YARS1: variants seen among roughly 807,000 people sequenced by gnomAD.
YARS1 encodes the protein tyrosine--tRNA ligase, cytoplasmic.
Under a neutral mutation model 62.2 loss-of-function variants are expected in YARS1, and 36 were observed. The ratio of observed to expected loss-of-function variants is 0.58; its 90% confidence interval spans 0.44 to 0.76. YARS1 has a LOEUF of 0.76. YARS1 is among the 30% of genes least tolerant of loss of function. The pLI is 0.00. For missense variants in YARS1, 524 were observed against 639.8 expected, an observed-to-expected ratio of 0.82 and a Z score of 1.95; for synonymous variants, 234 against 244.9, an observed-to-expected ratio of 0.96 and a Z score of 0.42.
intron 10 of YARS1, 59 bp from the exon 11 acceptor site, chr1:32,780,337 T>G (rs552964149): frequency 1.9e-6 from 3 of 1,602,372 alleles, no homozygotes; most frequent in South Asian, 2.2e-5. Context: ...AGCAGCCTGG[T>G]GAACTCTTGG....
intron 7 of YARS1, 40 bp downstream of exon 7, chr1:32,786,900 A>G (rs762025045): frequency 1.9e-5 from 30 of 1,613,598 alleles, no homozygotes; most frequent in Non-Finnish European, 2.5e-5. Flanking sequence ...GAACTTTTCT[A>G]TTCTAGCCTG....
rs766166915 is a variant in YARS1, at chr1:32,797,797, A to G, written c.557T>C (p.Ile186Thr). The G allele has an allele frequency of 5.0e-6, 8 of 1,614,108 alleles. No individual in the cohort carries two copies. The Admixed American group carries it at 1.2e-4, about 24-fold the overall frequency. Reference protein sequence around the residue: ...YLKVDAQFGGIDQRKIFTFAE... With the variant: ...YLKVDAQFGGTDQRKIFTFAE... The stretch of plus-strand genomic sequence containing the variant: ...AAAGGTGAAAATCTTTCTCTGATCA[A>G]TGCCTCCAAATTGGGCATCTACTTT... Residue 186 changes from isoleucine to threonine, a missense_variant, in exon 5 of 13, where the codon ATT becomes ACT. Coordinates refer to ENST00000373477, the MANE Select transcript of YARS1 (RefSeq NM_003680.4).
chr1:32,779,186 T>C (rs558277778), intron 12 of YARS1, among the ~76,000 whole-genome samples, 196 bp downstream of exon 12: 3 of 152,268 alleles, frequency 2.0e-5, no homozygotes, highest in African/African-American at 7.2e-5. Flanking sequence ...CTGTCGGAGA[T>C]GTAATGCAAG....
chr1:32,810,421 TG>T (rs2148616439), intron 3 of YARS1, among the ~76,000 whole-genome samples, 169 bp downstream of exon 3: 1 of 152,290 alleles, frequency 6.6e-6, no homozygotes, highest in East Asian at 1.9e-4. Context: ...ACACTTCTGA[TG>T]GATGAATTAC....
chr1:32,792,068 C>G (rs1210618469), intron 5 of YARS1, among the ~76,000 whole-genome samples: 1 of 152,128 alleles, frequency 6.6e-6, no homozygotes, highest in Non-Finnish European at 1.5e-5. Flanking sequence ...CCACTGATTT[C>G]TTGGCTGACT....
intron 1 of YARS1, among the ~76,000 whole-genome samples, chr1:32,812,319 T>C (rs1319094002): frequency 2.0e-5 from 3 of 152,188 alleles, no homozygotes; most frequent in Admixed American, 6.5e-5. Context: ...GGTGATCCTC[T>C]GGAGTTTAGA....
At position 32,780,119 on chromosome 1, in the gene YARS1, C is replaced by T; in HGVS notation, c.1300G>A (p.Val434Ile). 1 of 1,614,196 alleles carries T rather than the reference C, an allele frequency of 6.2e-7. No individual in the cohort carries two copies. Among genetic ancestry groups the T allele is most frequent in the East Asian group, 2.2e-5 (1 of 44,874 alleles). The change falls in exon 11 of 13, where the codon GTC (valine) becomes ATC (isoleucine). Residue 434 changes from valine (V) to isoleucine (I), a missense_variant. Val to Ile is a conservative substitution (Grantham distance 29). Coordinates refer to ENST00000373477, the MANE Select transcript of YARS1 (RefSeq NM_003680.4). ...CACAGAAGCATGCCTTGGGACTCGA[C>T]TCCTCTCATCTTCTGGGGTTTCAGG... ...CNLKPQKMRG[V>I]ESQGMLLCAS...
chr1:32,801,007 T>C (rs1638274580), intron 4 of YARS1, among the ~76,000 whole-genome samples: 1 of 152,208 alleles, frequency 6.6e-6, no homozygotes, highest in Non-Finnish European at 1.5e-5. Context: ...TTTTCACATA[T>C]CGCTCTGAAG....
chr1:32,779,633 A>C (rs1182072926), intron 11 of YARS1, 110 bp from the exon 12 acceptor site: 1 of 1,406,544 alleles, frequency 7.1e-7, no homozygotes, highest in Non-Finnish European at 1.0e-6. Context: ...GATTTAGGGC[A>C]TCCTCAGTAC....
At chr1:32,790,009 T>C (rs1017519655) in intron 6 of YARS1, among the ~76,000 whole-genome samples, 3 of 148,838 alleles carry the variant, frequency 2.0e-5, no homozygotes, top group South Asian at 4.3e-4. Context: ...TCAGCCTCCC[T>C]AGTAGCTGGG....
chr1:32,784,964 C>G (rs1653172912), intron 8 of YARS1, among the ~76,000 whole-genome samples: 1 of 152,132 alleles, frequency 6.6e-6, no homozygotes, highest in Non-Finnish European at 1.5e-5. Context: ...ATAATTATCT[C>G]TTGTTTTTGA....
intron 8 of YARS1, among the ~76,000 whole-genome samples, chr1:32,785,367 A>C (rs1463399158): frequency 6.6e-6 from 1 of 151,150 alleles, no homozygotes; most frequent in African/African-American, 2.4e-5. Context: ...AGGCTGAGGC[A>C]GGAGAATCGC....
At chr1:32,779,943 T>C (rs1652996401) in intron 11 of YARS1, 142 bp downstream of exon 11, 6 of 920,426 alleles carry the variant, frequency 6.5e-6, no homozygotes, top group Admixed American at 3.7e-5. Context: ...AAGTCCTTCA[T>C]GCATCAACTT....
At chr1:32,787,217 C>T (rs757305798) in intron 6 of YARS1, 142 bp from the exon 7 acceptor site, 1 of 969,038 alleles carries the variant, frequency 1.0e-6, no homozygotes, top group Non-Finnish European at 1.5e-6. Context: ...GCAGCCTCAG[C>T]CTCCTGGGCT....
chr1:32,806,169 T>C (rs1638462772), intron 4 of YARS1, among the ~76,000 whole-genome samples: 2 of 152,194 alleles, frequency 1.3e-5, no homozygotes. Context: ...GGGCACAGTT[T>C]GTGGTGCCCC....
intron 3 of YARS1, among the ~76,000 whole-genome samples, chr1:32,807,262 G>T (rs866037444): frequency 2.0e-5 from 3 of 151,976 alleles, no homozygotes; most frequent in Non-Finnish European, 4.4e-5. Flanking sequence ...CCATCTTCTC[G>T]GTTTGTTGGC....
At chr1:32,779,997 C>G (rs1489069257) in intron 11 of YARS1, 88 bp downstream of exon 11, 2 of 1,487,462 alleles carry the variant, frequency 1.3e-6, no homozygotes, top group East Asian at 2.3e-5. Context: ...GAGCTTCCAC[C>G]TGGTGTGTGG....
chr1:32,809,113 G>A (rs1031806548), intron 3 of YARS1, among the ~76,000 whole-genome samples: 1 of 151,150 alleles, frequency 6.6e-6, no homozygotes, highest in Admixed American at 6.6e-5. Flanking sequence ...TTGAGATGGA[G>A]TCTCACTCTG....
rs1433806469 is a variant in YARS1, at chr1:32,782,469, T to C, written c.977A>G (p.Glu326Gly). 5.0e-6 allele frequency: 8 copies of C among 1,613,946 alleles called. No homozygotes were observed. Among genetic ancestry groups the C allele is most frequent in the Non-Finnish European group, 6.8e-6 (8 of 1,180,034 alleles). The change falls in exon 9 of 13, where the codon GAA (glutamate) becomes GGA (glycine). Residue 326 changes from glutamate (E) to glycine (G), a missense_variant. Coordinates refer to ENST00000373477, the MANE Select transcript of YARS1 (RefSeq NM_003680.4). ...ALNKLLDPIREKFNTPALKKL... is the reference protein window; with the variant it reads ...ALNKLLDPIRGKFNTPALKKL... ...TTTCAGGGCAGGGGTATTAAACTTT[T>C]CCCGGATTGGATCCAGCAACTTGTT...
Sources: gnomAD v4.1 joint callset for allele counts (sites outside exome capture counted in the v4.1 genomes callset) on GRCh38, gnomAD v4.1.1 for gene constraint, MANE v1.5 for transcripts, NCBI Gene and HGNC (gene_info 2026-07-23, HGNC 2026-07-21) for gene names.